Variants in FAM151B observed in about 807,000 individuals in gnomAD.
FAM151B encodes the protein family with sequence similarity 151 member B.
In FAM151B, 24 loss-of-function variants were observed where a neutral mutation model predicts 31.2. The observed-to-expected ratio is 0.77, with a 90% CI of 0.56 to 1.08. The LOEUF (loss-of-function observed/expected upper bound fraction) is 1.08. FAM151B is among the 50% of genes least tolerant of loss of function. The pLI is 0.00. For synonymous variants in FAM151B, 105 were observed against 111.4 expected, an observed-to-expected ratio of 0.94 and a Z score of 0.36; for missense variants, 293 against 328.6, an observed-to-expected ratio of 0.89 and a Z score of 0.84.
At chr5:80,517,728 A>G (rs1232923240) in intron 3 of FAM151B, among the ~76,000 whole-genome samples, 2 of 152,204 alleles carry the variant, frequency 1.3e-5, no homozygotes, top group Admixed American at 1.3e-4. Flanking sequence ...TGTAGTAGGC[A>G]CTTAGTAAAC....
chr5:80,540,165 C>G (rs1745813554), intron 5 of FAM151B, among the ~76,000 whole-genome samples: 1 of 152,092 alleles, frequency 6.6e-6, no homozygotes, highest in South Asian at 2.1e-4. Flanking sequence ...AGAAAACTCT[C>G]CAAGAACATG....
At chr5:80,538,534 T>C (rs1234044087) in intron 5 of FAM151B, among the ~76,000 whole-genome samples, 2 of 112,636 alleles carry the variant, frequency 1.8e-5, no homozygotes, top group Admixed American at 8.5e-5. Flanking sequence ...CCTTCCTTCC[T>C]TCCTTCCTTC....
intron 2 of FAM151B, among the ~76,000 whole-genome samples, chr5:80,508,364 C>T (rs1328910396): frequency 1.3e-5 from 2 of 152,112 alleles, no homozygotes; most frequent in African/African-American, 2.4e-5. Flanking sequence ...TTCCAAAGTG[C>T]CTGCTCCTTT....
chr5:80,534,636 C>T (rs1257939009), intron 5 of FAM151B, among the ~76,000 whole-genome samples: 6 of 152,096 alleles, frequency 3.9e-5, no homozygotes, highest in Admixed American at 6.6e-5. Flanking sequence ...ATACAACAGA[C>T]CCACAGCTAG....
chr5:80,489,092 A>T (rs1743222269), intron 1 of FAM151B, among the ~76,000 whole-genome samples: 1 of 152,204 alleles, frequency 6.6e-6, no homozygotes, highest in African/African-American at 2.4e-5. Flanking sequence ...AGGTTTTTAT[A>T]AACATAATTT....
At chr5:80,541,104 A>G (rs1249317220) in intron 5 of FAM151B, among the ~76,000 whole-genome samples, 3 of 152,252 alleles carry the variant, frequency 2.0e-5, no homozygotes, top group Non-Finnish European at 4.4e-5. Flanking sequence ...ATGAATTTAC[A>G]TAGGTTATTG....
At chr5:80,496,417 A>G (rs1743538568) in intron 1 of FAM151B, among the ~76,000 whole-genome samples, 1 of 152,218 alleles carries the variant, frequency 6.6e-6, no homozygotes. Flanking sequence ...CTATTGTACA[A>G]CTAATAGGCT....
At chr5:80,494,443 T>TTCTCTTTC (rs1235465642) in intron 1 of FAM151B, among the ~76,000 whole-genome samples, 6 of 84,390 alleles carry the variant, frequency 7.1e-5, no homozygotes, top group Admixed American at 1.5e-4. Flanking sequence ...CTTTCTTTCT[T>TTCTCTTTC]TTTCTTTCTT....
Position 80,538,372 on chromosome 5 carries a change from T to TTTTCTTTC in FAM151B, c.672-3231_672-3224dup, listed in dbSNP as rs1315996184. Among the ~76,000 whole-genome samples the TTTTCTTTC allele has an allele frequency of 4.5e-3, 498 of 111,626 alleles. 25 individuals are homozygous for TTTTCTTTC. Among genetic ancestry groups the TTTTCTTTC allele is most frequent in the Non-Finnish European group, 5.5e-3 (277 of 50,568 alleles). The allele number at this position is 111,626 out of a possible 152,430, so 73.2% of individuals were successfully genotyped here. A position where few individuals can be genotyped will look rare whatever the true frequency, so the allele number is the denominator to read the frequency against. On this transcript the variant is annotated intron_variant, in intron 5 of 5. Coordinates refer to ENST00000282226, the MANE Select transcript of FAM151B (RefSeq NM_205548.3). ...ATGAGCCACCGCACCCAGCCTTTCTTTTTCTTTCTTTCTTTCTTTCTTTCT... is the reference window on the plus strand; with the variant it reads ...ATGAGCCACCGCACCCAGCCTTTCTTTTTCTTTCTTTCTTTCTTTCTTTCTTTCTTTCT...
intron 1 of FAM151B, among the ~76,000 whole-genome samples, chr5:80,501,158 C>T (rs757273811): frequency 3.0e-4 from 46 of 151,874 alleles, no homozygotes; most frequent in East Asian, 5.8e-4. Flanking sequence ...GGATTACAGG[C>T]GTGTGCCACC....
chr5:80,522,091 C>T lies in FAM151B; in HGVS notation c.624C>T (p.Val208=), dbSNP rs1260300090. 1 of 1,613,256 alleles carries T rather than the reference C, an allele frequency of 6.2e-7. No homozygotes were observed. Among genetic ancestry groups the T allele is most frequent in the African/African-American group, 1.3e-5 (1 of 75,032 alleles). ...CGTTCCCTGTCAGAGCAGCATTAGT[C>T]AGGCAGTCTTGTTCTCAGTTACTTT... The part of the protein sequence containing the change: ...PVTFPVRAAL[V]RQSCSQLLWL... The change falls in exon 5 of 6, where the codon GTC becomes GTT. Residue 208 remains valine (V), a synonymous_variant. Transcript: ENST00000282226.
intron 5 of FAM151B, among the ~76,000 whole-genome samples, chr5:80,522,677 G>A (rs996123122): frequency 6.6e-6 from 1 of 152,046 alleles, no homozygotes; most frequent in African/African-American, 2.4e-5. Context: ...TGGGAGCATC[G>A]CTTGAAACTG....
At chr5:80,503,055 G>C (rs1667655463) in intron 2 of FAM151B, among the ~76,000 whole-genome samples, 1 of 152,082 alleles carries the variant, frequency 6.6e-6, no homozygotes, top group African/African-American at 2.4e-5. Flanking sequence ...AGTGGTTATA[G>C]TTACATAACC....
intron 5 of FAM151B, among the ~76,000 whole-genome samples, chr5:80,532,456 C>G (rs1265859012): frequency 6.6e-6 from 1 of 152,124 alleles, no homozygotes; most frequent in East Asian, 1.9e-4. Context: ...GAGGATATAA[C>G]AATTGTAAAT....
At chr5:80,496,061 A>C (rs909392745) in intron 1 of FAM151B, among the ~76,000 whole-genome samples, 3 of 152,206 alleles carry the variant, frequency 2.0e-5, no homozygotes, top group African/African-American at 7.2e-5. Flanking sequence ...TATTACATAC[A>C]CTTAGTTGTT....
chr5:80,488,166 G>C lies in FAM151B; in HGVS notation c.25+18G>C. 1 of 1,540,640 alleles carries C rather than the reference G, an allele frequency of 6.5e-7. No individual in the cohort carries two copies. On this transcript the variant is annotated intron_variant, in intron 1 of 5. Transcript: ENST00000282226. ...AGGCCCAGGTAAGCGCCGAGCGCGCGGCCTCTGCCTGGAGGTGGGGCGCTT... is the reference window on the plus strand; with the variant it reads ...AGGCCCAGGTAAGCGCCGAGCGCGCCGCCTCTGCCTGGAGGTGGGGCGCTT...
rs1561384022 is a variant in FAM151B at position 80,538,521 on chromosome 5, C to CTT, written c.672-3151_672-3150dup. 2.0e-4 allele frequency among the ~76,000 whole-genome samples: 11 copies of CTT among 55,798 alleles called. 1 individual carries two copies. Among genetic ancestry groups the CTT allele is most frequent in the African/African-American group, 1.4e-3 (9 of 6,388 alleles). 36.6% of individuals were successfully genotyped at this position (55,798 alleles called of 152,430 possible). A position where few individuals can be genotyped will look rare whatever the true frequency, so the allele number is the denominator to read the frequency against. On this transcript the variant is annotated intron_variant, in intron 5 of 5. Coordinates refer to ENST00000282226, the MANE Select transcript of FAM151B (RefSeq NM_205548.3). ...TTCCTTTCTTTTCTTTCTTTCCTTCCTTCCTTCCTTCCTTCCTTCCTTCCT... is the reference window on the plus strand; with the variant it reads ...TTCCTTTCTTTTCTTTCTTTCCTTCCTTTTCCTTCCTTCCTTCCTTCCTTCCT...
At chr5:80,492,745 C>G (rs145560564) in intron 1 of FAM151B, among the ~76,000 whole-genome samples, 1 of 152,108 alleles carries the variant, frequency 6.6e-6, no homozygotes, top group African/African-American at 2.4e-5. Flanking sequence ...ATGAAGCCGG[C>G]AGTTCAAGAC....
At chr5:80,499,660 T>C (rs1407667655) in intron 1 of FAM151B, among the ~76,000 whole-genome samples, 3 of 151,926 alleles carry the variant, frequency 2.0e-5, no homozygotes, top group African/African-American at 7.2e-5. Flanking sequence ...GTTTTCTTCC[T>C]GCATTCTTAT....
Sources: gnomAD v4.1 joint callset for allele counts (sites outside exome capture counted in the v4.1 genomes callset) on GRCh38, gnomAD v4.1.1 for gene constraint, MANE v1.5 for transcripts, NCBI Gene and HGNC (gene_info 2026-07-23, HGNC 2026-07-21) for gene names.